Variants in UMAD1 observed in about 807,000 individuals in gnomAD.
UMAD1 encodes UBAP1-MVB12-associated (UMA)-domain containing protein 1.
In UMAD1, 8 loss-of-function variants were observed where a neutral mutation model predicts 6.1. The ratio of observed to expected loss-of-function variants is 1.30; its 90% CI spans 0.76 to 2.35. The LOEUF is 2.35. Among genes scored for constraint, UMAD1 ranks in the 30% most tolerant of loss-of-function variants. UMAD1 has a pLI of 0.00. For synonymous variants in UMAD1, 56 were observed against 31.4 expected (o/e 1.78, Z -2.61); for missense variants, 130 against 78.4 (o/e 1.66, Z -2.49).
chr7:7,842,405 A>G (rs1413758289), intron 3 of UMAD1, among the ~76,000 whole-genome samples: 1 of 152,148 alleles, frequency 6.6e-6, no homozygotes, highest in Non-Finnish European at 1.5e-5. Context: ...CACAACCGAG[A>G]CCTAGACAGC....
At chr7:7,704,230 C>T (rs370091594) in intron 2 of UMAD1, among the ~76,000 whole-genome samples, 4 of 152,226 alleles carry the variant, frequency 2.6e-5, no homozygotes, top group South Asian at 4.1e-4. Context: ...ACTCTTTTTA[C>T]TACCTTTCTT....
At chr7:7,739,510 A>G (rs999104522) in intron 2 of UMAD1, among the ~76,000 whole-genome samples, 2 of 152,216 alleles carry the variant, frequency 1.3e-5, no homozygotes, top group Non-Finnish European at 2.9e-5. Context: ...GTTTGACCTC[A>G]GCACCTTTGC....
In UMAD1 at chr7:7,708,687, A is replaced by T. The variant is rs567631883; in HGVS notation, c.82+35234A>T. Reference sequence around the variant, plus strand: ...CTACTACTTCGTTTTGGCCATCTTAAAATTATATTTTATAATTAGTAAATA... The same window carrying T: ...CTACTACTTCGTTTTGGCCATCTTATAATTATATTTTATAATTAGTAAATA... On this transcript the variant is annotated intron_variant, in intron 2 of 3. Transcript: ENST00000682710. Among the ~76,000 whole-genome samples, 10 of 152,304 alleles carry T rather than the reference A, an allele frequency of 6.6e-5. 1 individual carries two copies. The highest frequency in any genetic ancestry group is 2.4e-4 in the African/African-American group (10 of 41,580).
chr7:7,716,506 C>G (rs1209347574), intron 2 of UMAD1, among the ~76,000 whole-genome samples: 2 of 152,156 alleles, frequency 1.3e-5, no homozygotes, highest in Non-Finnish European at 2.9e-5. Flanking sequence ...GTAGCTGTGC[C>G]AATAGTAAAG....
intron 3 of UMAD1, among the ~76,000 whole-genome samples, chr7:7,812,020 C>G (rs1434424408): frequency 6.6e-6 from 1 of 152,166 alleles, no homozygotes; most frequent in Non-Finnish European, 1.5e-5. Context: ...TTGTGAAGGT[C>G]TTTTTCGTAA....
chr7:7,709,347 C>A (rs1044473577), intron 2 of UMAD1, among the ~76,000 whole-genome samples: 1 of 152,180 alleles, frequency 6.6e-6, no homozygotes, highest in African/African-American at 2.4e-5. Context: ...TAATTCAAGT[C>A]AGGAAGGCTC....
intron 3 of UMAD1, among the ~76,000 whole-genome samples, chr7:7,809,212 G>A (rs187436269): frequency 4.6e-5 from 7 of 152,010 alleles, no homozygotes; most frequent in Admixed American, 4.6e-4. Context: ...AAGGGACTTT[G>A]TTTATTCAGG....
chr7:7,847,263 G>A (rs765984322), intron 3 of UMAD1, among the ~76,000 whole-genome samples: 3 of 150,374 alleles, frequency 2.0e-5, no homozygotes, highest in Admixed American at 6.7e-5. Context: ...CCAGGAAGCC[G>A]TTTAGTTCTG....
Position 7,728,141 on chromosome 7 carries a change from A to G in UMAD1, c.82+54688A>G, listed in dbSNP as rs2115189285. Among the ~76,000 whole-genome samples the G allele has an allele frequency of 2.6e-5, 4 of 152,214 alleles. No homozygotes were observed. The South Asian group carries it at 6.2e-4, about 24-fold the overall frequency. ...AAGCCAAACTGGTACATGTTCAGAT[A>G]TGTGTGTACATGTGTGCACATCTAG... On this transcript the variant is annotated intron_variant, in intron 2 of 3. Transcript: ENST00000682710.
intron 3 of UMAD1, among the ~76,000 whole-genome samples, chr7:7,849,834 G>A (rs939839490): frequency 6.6e-6 from 1 of 152,128 alleles, no homozygotes; most frequent in African/African-American, 2.4e-5. Flanking sequence ...TTAAGATGGA[G>A]TGGACAGAGC....
chr7:7,757,138 G>A (rs1373574226), intron 2 of UMAD1, among the ~76,000 whole-genome samples: 1 of 152,186 alleles, frequency 6.6e-6, no homozygotes, highest in East Asian at 1.9e-4. Context: ...TCCAGAGAGA[G>A]TATCCATTCA....
rs371010075 is a variant in UMAD1, at chr7:7,656,460, T to TC, written c.-64+15643dup. 5.4e-4 allele frequency among the ~76,000 whole-genome samples: 82 copies of TC among 152,268 alleles called. 2 individuals are homozygous for TC. The highest frequency in any genetic ancestry group is 1.9e-3 in the African/African-American group (79 of 41,544). Reference sequence around the variant, plus strand: ...TAGGTATTTCTTCTAATGCTATTCCTCCCCTAGCCTTCCACCCCATGACAG... The same window carrying TC: ...TAGGTATTTCTTCTAATGCTATTCCTCCCCCTAGCCTTCCACCCCATGACAG... On this transcript the variant is annotated intron_variant, in intron 1 of 3. Transcript: ENST00000682710.
At chr7:7,777,295 A>C (rs1191629046) in intron 2 of UMAD1, among the ~76,000 whole-genome samples, 1 of 151,768 alleles carries the variant, frequency 6.6e-6, no homozygotes, top group Non-Finnish European at 1.5e-5. Flanking sequence ...TCACAAGGCC[A>C]GGAGTTCAAG....
intron 3 of UMAD1, among the ~76,000 whole-genome samples, chr7:7,855,172 C>G (rs778623392): frequency 1.3e-5 from 2 of 152,228 alleles, no homozygotes; most frequent in Non-Finnish European, 2.9e-5. Flanking sequence ...TTTCCAGGTG[C>G]ATGGTGCAAG....
At chr7:7,754,237 T>A (rs1781733767) in intron 2 of UMAD1, among the ~76,000 whole-genome samples, 1 of 151,802 alleles carries the variant, frequency 6.6e-6, no homozygotes, top group Non-Finnish European at 1.5e-5. Context: ...TGTACAGGGG[T>A]TCCCTTTTCT....
At chr7:7,836,303 T>C (rs1378568509) in intron 3 of UMAD1, among the ~76,000 whole-genome samples, 1 of 152,030 alleles carries the variant, frequency 6.6e-6, no homozygotes, top group Non-Finnish European at 1.5e-5. Flanking sequence ...TCTATGGTCT[T>C]TACAAAGGAA....
intron 2 of UMAD1, chr7:7,735,662 G>C (rs531220512): frequency 2.0e-5 from 3 of 152,336 alleles, no homozygotes; most frequent in African/African-American, 7.2e-5. Flanking sequence ...CACCCACCTT[G>C]GCCTCCCAAA....
intron 3 of UMAD1, among the ~76,000 whole-genome samples, chr7:7,848,417 C>G (rs1318050121): frequency 6.6e-6 from 1 of 152,104 alleles, no homozygotes; most frequent in Non-Finnish European, 1.5e-5. Flanking sequence ...GAAGTCTTCA[C>G]TTTCTATATC....
intron 3 of UMAD1, among the ~76,000 whole-genome samples, chr7:7,847,243 G>T (rs1783821791): frequency 6.7e-6 from 1 of 149,262 alleles, no homozygotes. Context: ...AGCATTGAAA[G>T]TTCTGCATTC....
Sources: gnomAD v4.1 joint callset for allele counts (sites outside exome capture counted in the v4.1 genomes callset) on GRCh38, gnomAD v4.1.1 for gene constraint, MANE v1.5 for transcripts, NCBI Gene and HGNC (gene_info 2026-07-23, HGNC 2026-07-21) for gene names.